The following ATP2B3 variants were observed in gnomAD, a reference collection of about 807,000 sequenced individuals.
The protein encoded by ATP2B3 is ATPase plasma membrane Ca2+ transporting 3.
A neutral mutation model predicts 70.8 loss-of-function variants in ATP2B3; 12 were observed. That is an observed-to-expected ratio of 0.17 (90% CI 0.11 to 0.27). The LOEUF (loss-of-function observed/expected upper bound fraction) is 0.27, where lower values mean the gene tolerates loss of function less well. ATP2B3 is among the 10% of genes least tolerant of loss of function. The pLI, the probability that ATP2B3 is intolerant of heterozygous loss-of-function variation, is 1.00. For synonymous variants in ATP2B3, 460 were observed against 497.8 expected (o/e 0.92, Z 1.01); for missense variants, 858 against 1,118.5 (o/e 0.77, Z 3.32).
intron 2 of ATP2B3, among the ~76,000 whole-genome samples, chrX:153,527,190 G>A (rs2090046749): frequency 8.9e-6 from 1 of 112,923 alleles, no homozygotes. Flanking sequence ...GCAGAGCCGG[G>A]CCGACTTGGG....
At chrX:153,528,770 C>T (rs1300373512) in intron 2 of ATP2B3, among the ~76,000 whole-genome samples, 3 of 112,029 alleles carry the variant, frequency 2.7e-5, no homozygotes, top group Non-Finnish European at 3.8e-5. Context: ...TAGCTGCGGC[C>T]GCACCTGTCC....
rs184430232 is a variant in ATP2B3, at chrX:153,560,047, C to T, written c.2839+105C>T. On this transcript the variant is annotated intron_variant, in intron 18 of 21. Transcript: ENST00000263519. ...TCCACCTGTGTCTCCGCACCCAGTA[C>T]GGGGTGGGACGCTGCACTTCCTGAC... is the stretch of plus-strand genomic sequence containing the variant. The T allele has an allele frequency of 2.1e-3, 1,773 of 826,252 alleles. 3 individuals carry two copies. Among genetic ancestry groups the T allele is most frequent in the Non-Finnish European group, 2.7e-3 (1,585 of 581,525 alleles). 68.1% of individuals were successfully genotyped at this position (826,252 alleles called of 1,213,427 possible).
rs782672195 is a variant in ATP2B3 at position 153,547,999 on chromosome X, G to A, written c.1123G>A (p.Gly375Arg). 1 of 1,199,083 alleles carries A rather than the reference G, an allele frequency of 8.3e-7. No individual in the cohort carries two copies. Among genetic ancestry groups the A allele is most frequent in the Non-Finnish European group, 1.1e-6 (1 of 888,326 alleles). Reference sequence around the variant, plus strand: ...GCTAGCCGTGCAGATCGGGAAAGCAGGTAGGGACAGCAGGAGGTGGTGGGC... The same window carrying A: ...GCTAGCCGTGCAGATCGGGAAAGCAAGTAGGGACAGCAGGAGGTGGTGGGC... Reference protein sequence around the residue: ...TKLAVQIGKAGLVMSAITVII... With the variant: ...TKLAVQIGKARLVMSAITVII... The change falls in exon 9 of 22, where the codon GGG becomes AGG. Residue 375 changes from glycine (G) to arginine (R), a missense_variant and splice_region_variant. Gly to Arg is a moderately radical substitution (Grantham distance 125, BLOSUM62 -2). This residue lies in a region of ATP2B3 where 278 missense variants were observed against 366.2 expected (regional missense o/e 0.76). Transcript: ENST00000263519.
chrX:153,558,945 C>T (rs1419332851), intron 17 of ATP2B3, among the ~76,000 whole-genome samples: 1 of 111,575 alleles, frequency 9.0e-6, no homozygotes, highest in Non-Finnish European at 1.9e-5. Flanking sequence ...CCCATTTTCC[C>T]CATTGGTGAG....
At chrX:153,557,406 C>A (rs1557014258) in intron 16 of ATP2B3, among the ~76,000 whole-genome samples, 1 of 112,425 alleles carries the variant, frequency 8.9e-6, no homozygotes, top group East Asian at 2.8e-4. Context: ...CTGTTGCTCA[C>A]CCACTGAGCA....
At chrX:153,521,121 T>C (rs1210734849) in intron 2 of ATP2B3, among the ~76,000 whole-genome samples, 1 of 113,009 alleles carries the variant, frequency 8.8e-6, no homozygotes, top group African/African-American at 3.2e-5. Flanking sequence ...TGCTGTGACT[T>C]TGCAGCAAGC....
In ATP2B3 at chrX:153,520,138, G is replaced by C. The variant is rs112540901; in HGVS notation, c.-127+1587G>C. Among the ~76,000 whole-genome samples the C allele has an allele frequency of 3.0e-3, 342 of 112,760 alleles. 1 individual carries two copies. The highest frequency in any genetic ancestry group is 0.01 in the African/African-American group (317 of 31,112). On this transcript the variant is annotated intron_variant, in intron 2 of 21. Transcript: ENST00000263519. Reference sequence around the variant, plus strand: ...GAGGTTGAATCATTCACTAGCAGGAGAAGCCAAGCCTGTGAGTCAGTGAGT... The same window carrying C: ...GAGGTTGAATCATTCACTAGCAGGACAAGCCAAGCCTGTGAGTCAGTGAGT...
rs782689590 is a variant in ATP2B3 at position 153,557,041 on chromosome X, C to A, written c.2433+18C>A. 8.6e-7 allele frequency: 1 copy of A among 1,156,550 alleles called. No individual in the cohort carries two copies. Among genetic ancestry groups the A allele is most frequent in the African/African-American group, 1.8e-5 (1 of 56,362 alleles). On this transcript the variant is annotated intron_variant, in intron 16 of 21. Transcript: ENST00000263519. ...TCGCCATGGTAAGCCACCTGGTGCC[C>A]GCCCAGCTCACCACGGCAGATGGGG...
chrX:153,548,374 C>T (rs1302750436), intron 9 of ATP2B3, among the ~76,000 whole-genome samples: 2 of 110,964 alleles, frequency 1.8e-5, no homozygotes, highest in East Asian at 5.7e-4. Flanking sequence ...TCCTCCCCAG[C>T]GGTGCTTCTC....
chrX:153,539,329 C>G (rs782533136), intron 3 of ATP2B3, among the ~76,000 whole-genome samples: 87 of 112,729 alleles, frequency 7.7e-4, no homozygotes, highest in Non-Finnish European at 1.3e-3. Context: ...CCTGAAGAAA[C>G]CTGAGCCAGG....
chrX:153,531,773 TG>T (rs1304990326), intron 2 of ATP2B3, among the ~76,000 whole-genome samples: 2 of 112,598 alleles, frequency 1.8e-5, no homozygotes, highest in African/African-American at 6.5e-5. Flanking sequence ...ATCATCCCTG[TG>T]GGGATATATG....
At chrX:153,544,787 C>T (rs190884863) in intron 7 of ATP2B3, among the ~76,000 whole-genome samples, 3 of 112,715 alleles carry the variant, frequency 2.7e-5, no homozygotes, top group Non-Finnish European at 3.8e-5. Flanking sequence ...ACCTTCCCCC[C>T]ACTCCTGTCT....
At chrX:153,557,474 G>A (rs782295237) in intron 16 of ATP2B3, among the ~76,000 whole-genome samples, 1 of 112,309 alleles carries the variant, frequency 8.9e-6, no homozygotes, top group East Asian at 2.8e-4. Context: ...TGGCCCCACA[G>A]CCACTGAACG....
intron 1 of ATP2B3, among the ~76,000 whole-genome samples, 41 bp from the exon 2 acceptor site, chrX:153,518,390 GC>G (rs1426024199): frequency 2.7e-5 from 3 of 112,873 alleles, no homozygotes; most frequent in Non-Finnish European, 5.6e-5. Context: ...CCCACGAGAA[GC>G]CGCCCGGGGC....
rs192208304 is a variant in ATP2B3, at chrX:153,529,607, C to T, written c.-126-6515C>T. ...ACCACGTTCACCATTTTTAAGTGTG[C>T]GGCCCAGGGGCAGAAGCACATTCAT... On this transcript the variant is annotated intron_variant, in intron 2 of 21. Transcript: ENST00000263519. Among the ~76,000 whole-genome samples the T allele has an allele frequency of 8.4e-3, 944 of 111,918 alleles. 2 individuals are homozygous for T. Among genetic ancestry groups the T allele is most frequent in the Non-Finnish European group, 0.011 (602 of 53,083 alleles).
At position 153,582,101 on chromosome X, in the gene ATP2B3, T is replaced by G. The variant is rs955355853; in HGVS notation, c.*1803T>G. ...CGGAATGGAAACCACCAACGTGCACTGGCACCCTCAGAAGGCTTGTCTCAC... is the reference window on the plus strand; with the variant it reads ...CGGAATGGAAACCACCAACGTGCACGGGCACCCTCAGAAGGCTTGTCTCAC... On this transcript the variant is annotated 3_prime_UTR_variant, in exon 22 of 22. Coordinates refer to ENST00000263519, the MANE Select transcript of ATP2B3 (RefSeq NM_001001344.3). 8.9e-6 allele frequency: 1 copy of G among 111,853 alleles called. No individual in the cohort carries two copies. The highest frequency in any genetic ancestry group is 1.9e-5 in the Non-Finnish European group (1 of 53,129). 9.2% of individuals were successfully genotyped at this position (111,853 alleles called of 1,213,427 possible).
chrX:153,519,041 C>A (rs1198311130), intron 2 of ATP2B3, among the ~76,000 whole-genome samples: 1 of 111,635 alleles, frequency 9.0e-6, no homozygotes, highest in Admixed American at 9.4e-5. Flanking sequence ...CCTCCTTTGC[C>A]CACTAGGATC....
At chrX:153,532,101 A>G (rs1320183024) in intron 2 of ATP2B3, among the ~76,000 whole-genome samples, 2 of 112,436 alleles carry the variant, frequency 1.8e-5, no homozygotes, top group African/African-American at 6.5e-5. Context: ...CCTGAGCCTC[A>G]GTTTCCCCCT....
intron 16 of ATP2B3, 42 bp downstream of exon 16, chrX:153,557,065 G>A (rs782007490): frequency 2.8e-5 from 31 of 1,093,658 alleles, no homozygotes; most frequent in Admixed American, 1.3e-4. Context: ...CGGCAGATGG[G>A]GCCTGCATCT....
Sources: gnomAD v4.1 joint callset for allele counts (sites outside exome capture counted in the v4.1 genomes callset) on GRCh38, gnomAD v4.1.1 for gene constraint, gnomAD v4.1.1 regional missense constraint, MANE v1.5 for transcripts, NCBI Gene and HGNC (gene_info 2026-07-23, HGNC 2026-07-21) for gene names.